PRDM1: variants seen among roughly 807,000 people sequenced by gnomAD.
PRDM1 encodes PR/SET domain 1, also known as PR domain zinc finger protein 1.
In PRDM1, 13 loss-of-function variants were observed where a neutral mutation model predicts 62.8. The ratio of observed to expected loss-of-function variants is 0.21; its 90% confidence interval spans 0.13 to 0.33. The LOEUF is 0.33. PRDM1 is among the 10% of genes least tolerant of loss of function. The probability of loss-of-function intolerance (pLI) is 1.00; values close to 1 mark genes in which losing one functional copy is unlikely to be tolerated. For missense variants in PRDM1, 895 were observed against 1,058.8 expected, an observed-to-expected ratio of 0.85 and a Z score of 2.15; for synonymous variants, 396 against 417.6, an observed-to-expected ratio of 0.95 and a Z score of 0.63.
chr6:106,105,209 C>G lies in PRDM1; in HGVS notation c.1049C>G (p.Ser350Cys), dbSNP rs1283054569. The G allele has an allele frequency of 1.2e-6, 2 of 1,613,672 alleles. No homozygotes were observed. The highest frequency in any genetic ancestry group is 1.7e-6 in the Non-Finnish European group (2 of 1,180,012). Residue 350 changes from serine to cysteine, a missense_variant, in exon 5 of 7, where the codon TCC (serine) becomes TGC (cysteine). Ser to Cys is a moderately radical substitution (Grantham distance 112, BLOSUM62 -1). Transcript: ENST00000369096. ...AGCCCCGACCAAAGCCTCAAGAGCT[C>G]CAGCCCTCACAGCAGCCCTGGGAAT... is the stretch of plus-strand genomic sequence containing the variant. Reference protein sequence around the residue: ...RSSPDQSLKSSSPHSSPGNTV... With the variant: ...RSSPDQSLKSCSPHSSPGNTV...
upstream of PRDM1, among the ~76,000 whole-genome samples, chr6:106,085,820 G>A (rs1054232487): frequency 1.6e-5 from 2 of 125,912 alleles, no homozygotes; most frequent in Admixed American, 2.0e-4. Context: ...AAGTTTGAAC[G>A]TTAGCAGGAG....
chr6:106,025,697 G>A lies in PRDM1; in HGVS notation c.-67+32058G>A, dbSNP rs569971766. ...AAGAAAAAAGAATAAAATCTCAAAG[G>A]TATAATAACATAGCATTATTATGCA... On this transcript the variant is annotated intron_variant, in intron 1 of 6. Coordinates refer to the PRDM1 transcript ENST00000652320. Among the ~76,000 whole-genome samples the A allele has an allele frequency of 1.5e-4, 23 of 152,212 alleles. 1 individual carries two copies. The South Asian group carries it at 4.1e-3, about 27-fold the overall frequency.
intron 1 of PRDM1, among the ~76,000 whole-genome samples, chr6:106,020,861 G>A (rs777769081): frequency 1.3e-5 from 2 of 152,088 alleles, no homozygotes; most frequent in Non-Finnish European, 2.9e-5. Context: ...TCTCAATTTC[G>A]AAATGGATAA....
intron 1 of PRDM1, among the ~76,000 whole-genome samples, chr6:106,038,286 G>C (rs1274000181): frequency 2.0e-5 from 3 of 151,874 alleles, no homozygotes. Flanking sequence ...TACCCAGCCT[G>C]CTATTTTTGT....
At chr6:106,068,792 A>G (rs1184597509) in intron 1 of PRDM1, among the ~76,000 whole-genome samples, 1 of 152,182 alleles carries the variant, frequency 6.6e-6, no homozygotes, top group African/African-American at 2.4e-5. Flanking sequence ...CTTTCCCCAC[A>G]TAAGGAAATT....
chr6:106,010,799 C>T (rs1243535492), intron 1 of PRDM1, among the ~76,000 whole-genome samples: 1 of 152,120 alleles, frequency 6.6e-6, no homozygotes, highest in East Asian at 1.9e-4. Context: ...TCACTTTTGG[C>T]CAAGAACCTG....
chr6:106,050,987 G>A (rs1773164349), intron 1 of PRDM1, among the ~76,000 whole-genome samples: 1 of 152,202 alleles, frequency 6.6e-6, no homozygotes, highest in Non-Finnish European at 1.5e-5. Context: ...GGTACATCCA[G>A]AAAATCTTTA....
chr6:106,098,573 TGAAAG>T, intron 3 of PRDM1: 1 of 1,301,398 alleles, frequency 7.7e-7, no homozygotes, highest in Non-Finnish European at 1.0e-6. Flanking sequence ...TCCTTTGCAT[TGAAAG>T]GAAAGTGCAA....
At chr6:106,083,558 C>T (rs1283875511), upstream of PRDM1, among the ~76,000 whole-genome samples, 1 of 152,010 alleles carries the variant, frequency 6.6e-6, no homozygotes, top group Non-Finnish European at 1.5e-5. Flanking sequence ...AAAAACTGGC[C>T]CAGTAGCTGA....
At chr6:106,001,735 G>C (rs1261656608) in intron 1 of PRDM1, among the ~76,000 whole-genome samples, 1 of 152,028 alleles carries the variant, frequency 6.6e-6, no homozygotes, top group African/African-American at 2.4e-5. Flanking sequence ...GAACATTGCT[G>C]TATGTCTTGA....
intron 1 of PRDM1, among the ~76,000 whole-genome samples, chr6:106,003,270 G>T (rs890479972): frequency 2.0e-5 from 3 of 152,182 alleles, no homozygotes; most frequent in Non-Finnish European, 4.4e-5. Flanking sequence ...CACAAATCAG[G>T]ATCTTCCCTG....
At chr6:106,037,798 T>A (rs1772941591) in intron 1 of PRDM1, among the ~76,000 whole-genome samples, 1 of 151,938 alleles carries the variant, frequency 6.6e-6, no homozygotes, top group East Asian at 1.9e-4. Flanking sequence ...TTTGAGCATA[T>A]TTAAGACTGT....
At chr6:106,073,255 C>A (rs1455529835) in intron 1 of PRDM1, among the ~76,000 whole-genome samples, 1 of 152,008 alleles carries the variant, frequency 6.6e-6, no homozygotes, top group Non-Finnish European at 1.5e-5. Context: ...GCTGGGATTA[C>A]AGGCGCCCAC....
At chr6:106,021,208 CTTCGGTTATGCT>C (rs975880899) in intron 1 of PRDM1, among the ~76,000 whole-genome samples, 1 of 152,188 alleles carries the variant, frequency 6.6e-6, no homozygotes, top group Non-Finnish European at 1.5e-5. Flanking sequence ...ACATCAGATT[CTTCGGTTATGCT>C]TTCTTTTTAC....
chr6:106,021,023 A>T (rs1582428490), intron 1 of PRDM1, among the ~76,000 whole-genome samples: 1 of 152,278 alleles, frequency 6.6e-6, no homozygotes, highest in East Asian at 1.9e-4. Context: ...ATTATAAAAG[A>T]CTAGCATTAA....
chr6:106,086,625 T>C (rs771186940), intron 1 of PRDM1, 30 bp downstream of exon 1: 1 of 1,528,050 alleles, frequency 6.5e-7, no homozygotes, highest in Non-Finnish European at 8.9e-7. Flanking sequence ...TTTTTTTAAT[T>C]CTGAAATTGA....
chr6:106,057,294 A>G (rs899777302), intron 1 of PRDM1, among the ~76,000 whole-genome samples: 1 of 152,234 alleles, frequency 6.6e-6, no homozygotes. Context: ...AAGAACCTCA[A>G]GAATTTTTAT....
At chr6:106,068,056 T>C (rs1200036512) in intron 1 of PRDM1, among the ~76,000 whole-genome samples, 1 of 152,094 alleles carries the variant, frequency 6.6e-6, no homozygotes. Flanking sequence ...AGGTATACAG[T>C]ATACAGTGAA....
intron 1 of PRDM1, among the ~76,000 whole-genome samples, chr6:106,052,665 C>T (rs925344015): frequency 6.6e-6 from 1 of 151,898 alleles, no homozygotes; most frequent in African/African-American, 2.4e-5. Flanking sequence ...AGTAAAAATA[C>T]ATCACTTTAA....
Sources: gnomAD v4.1 joint callset for allele counts (sites outside exome capture counted in the v4.1 genomes callset) on GRCh38, gnomAD v4.1.1 for gene constraint, MANE v1.5 for transcripts, NCBI Gene and HGNC (gene_info 2026-07-23, HGNC 2026-07-21) for gene names.